The following SETBP1 variants were observed in gnomAD, a reference collection of about 807,000 sequenced individuals.
The protein encoded by SETBP1 is SET binding protein 1, also known as SET-binding protein.
In SETBP1, 9 loss-of-function variants were observed where a neutral mutation model predicts 101.0. The ratio of observed to expected loss-of-function variants is 0.09; its 90% confidence interval spans 0.05 to 0.16. The LOEUF is 0.16. Among genes scored for constraint, SETBP1 ranks in the 10% least tolerant of loss-of-function variants. SETBP1 has a pLI of 1.00. For synonymous variants in SETBP1, 818 were observed against 788.5 expected (o/e 1.04, Z -0.63); for missense variants, 1,858 against 2,033.8 (o/e 0.91, Z 1.66).
At chr18:44,698,515 C>G (rs1039109345) in intron 1 of SETBP1, among the ~76,000 whole-genome samples, 3 of 152,184 alleles carry the variant, frequency 2.0e-5, no homozygotes, top group Non-Finnish European at 4.4e-5. Flanking sequence ...TCTGCATAAT[C>G]CTGCACACGC....
intron 2 of SETBP1, among the ~76,000 whole-genome samples, chr18:44,708,531 T>C (rs989547178): frequency 6.6e-6 from 1 of 152,206 alleles, no homozygotes; most frequent in East Asian, 1.9e-4. Context: ...TCTCTGATTA[T>C]GTTGTAGCTA....
chr18:44,694,824 C>G lies in SETBP1; in HGVS notation c.-172-6351C>G, dbSNP rs558634479. ...AACACTTAAAACAAGGTAAAAGGAA[C>G]AATATCAGGAAAATTAGTTAATCCA... On this transcript the variant is annotated intron_variant, in intron 1 of 5. Coordinates refer to ENST00000649279, the MANE Select transcript of SETBP1 (RefSeq NM_015559.3). 2.6e-5 allele frequency among the ~76,000 whole-genome samples: 4 copies of G among 152,216 alleles called. No individual in the cohort carries two copies. In the East Asian group the frequency reaches 7.7e-4, roughly 29 times the overall value.
chr18:44,842,348 C>T (rs2072633641), intron 2 of SETBP1, among the ~76,000 whole-genome samples: 1 of 152,178 alleles, frequency 6.6e-6, no homozygotes, highest in African/African-American at 2.4e-5. Context: ...CATTATGAAC[C>T]ATTTACTTCC....
intron 2 of SETBP1, among the ~76,000 whole-genome samples, chr18:44,777,154 A>G (rs1186244272): frequency 6.6e-6 from 1 of 152,098 alleles, no homozygotes; most frequent in Non-Finnish European, 1.5e-5. Flanking sequence ...CCGTGTCTAC[A>G]AAAAATTAAA....
At chr18:44,868,681 A>G (rs1484993409) in intron 2 of SETBP1, among the ~76,000 whole-genome samples, 3 of 134,608 alleles carry the variant, frequency 2.2e-5, no homozygotes, top group African/African-American at 8.2e-5. Context: ...AGAGAGAGAG[A>G]GAGAGAGAGA....
intron 2 of SETBP1, among the ~76,000 whole-genome samples, chr18:44,796,696 C>T (rs1389004624): frequency 6.6e-6 from 1 of 152,212 alleles, no homozygotes; most frequent in Non-Finnish European, 1.5e-5. Flanking sequence ...TGGCAGAATA[C>T]TGTTATGATA....
intron 3 of SETBP1, among the ~76,000 whole-genome samples, chr18:44,879,810 C>T (rs556486112): frequency 6.6e-6 from 1 of 152,174 alleles, no homozygotes; most frequent in Non-Finnish European, 1.5e-5. Context: ...AAGGGAACAC[C>T]TCACACTTGC....
chr18:44,859,358 G>A (rs1319777423), intron 2 of SETBP1, among the ~76,000 whole-genome samples: 1 of 152,162 alleles, frequency 6.6e-6, no homozygotes. Flanking sequence ...ATGGCTGGCA[G>A]TGGTACCAAT....
chr18:44,951,241 A>G lies in SETBP1; in HGVS notation c.1901A>G (p.Gln634Arg), dbSNP rs779446118. The G allele has an allele frequency of 3.7e-6, 6 of 1,614,114 alleles. No individual in the cohort carries two copies. The highest frequency in any genetic ancestry group is 5.1e-6 in the Non-Finnish European group (6 of 1,180,054). ...KRRRNLAKLA[Q>R]LVPGEDKPMS... ...CGACGCAATTTAGCGAAGTTGGCCCAGCTAGTGCCGGGAGAGGACAAACCC... is the reference window on the plus strand; with the variant it reads ...CGACGCAATTTAGCGAAGTTGGCCCGGCTAGTGCCGGGAGAGGACAAACCC... The change falls in exon 4 of 6, where the codon CAG (glutamine) becomes CGG (arginine). Residue 634 changes from glutamine to arginine, a missense_variant. This residue lies in a region of SETBP1 where 111 missense variants were observed against 119.3 expected (regional missense o/e 0.93). Coordinates refer to ENST00000649279, the MANE Select transcript of SETBP1 (RefSeq NM_015559.3). This position sits in a 1 kb window ranked among gnomAD's most constrained non-coding sequence, Gnocchi z 7.8.
Position 44,949,972 on chromosome 18 carries a change from A to T in SETBP1, c.632A>T (p.Gln211Leu). 6.2e-7 allele frequency: 1 copy of T among 1,614,188 alleles called. No individual in the cohort carries two copies. The highest frequency in any genetic ancestry group is 8.5e-7 in the Non-Finnish European group (1 of 1,180,042). ...FTGDTLKPKHQQKSSSQNHMD... is the reference protein window; with the variant it reads ...FTGDTLKPKHLQKSSSQNHMD... ...GGTGACACCTTAAAACCAAAGCACC[A>T]GCAAAAAAGCAGCAGCCAGAACCAC... Residue 211 changes from glutamine (Q) to leucine (L), a missense_variant, in exon 4 of 6, where the codon CAG becomes CTG. This residue lies in a region of SETBP1 where 581 missense variants were observed against 535.1 expected (regional missense o/e 1.09). Coordinates refer to ENST00000649279, the MANE Select transcript of SETBP1 (RefSeq NM_015559.3).
intron 1 of SETBP1, among the ~76,000 whole-genome samples, chr18:44,700,526 G>T (rs554596003): frequency 1.3e-5 from 2 of 152,328 alleles, no homozygotes; most frequent in East Asian, 1.9e-4. Flanking sequence ...TGTTATAAGT[G>T]ATTTGCCACT....
chr18:44,738,746 C>G (rs1303859302), intron 2 of SETBP1, among the ~76,000 whole-genome samples: 1 of 148,456 alleles, frequency 6.7e-6, no homozygotes, highest in Non-Finnish European at 1.5e-5. Flanking sequence ...TGCACTCCAG[C>G]CTGGGTGACA....
intron 2 of SETBP1, among the ~76,000 whole-genome samples, chr18:44,762,071 C>A (rs1437589477): frequency 6.6e-6 from 1 of 152,088 alleles, no homozygotes; most frequent in African/African-American, 2.4e-5. Context: ...GGCCAGCTGG[C>A]CAGACTGGTC....
At chr18:44,852,601 C>T (rs1485056811) in intron 2 of SETBP1, among the ~76,000 whole-genome samples, 1 of 152,164 alleles carries the variant, frequency 6.6e-6, no homozygotes, top group African/African-American at 2.4e-5. Flanking sequence ...AAAGCACATT[C>T]ATGGCCTCCA....
chr18:44,943,244 T>C (rs907784452), intron 3 of SETBP1, among the ~76,000 whole-genome samples: 3 of 152,226 alleles, frequency 2.0e-5, no homozygotes, highest in African/African-American at 4.8e-5. Context: ...TTTCACTCTC[T>C]CTATCTCTGT....
At chr18:44,966,338 C>T (rs948470996) in intron 4 of SETBP1, among the ~76,000 whole-genome samples, 1 of 152,290 alleles carries the variant, frequency 6.6e-6, no homozygotes, top group South Asian at 2.1e-4. Flanking sequence ...GAGCCCCTTA[C>T]CTGAGTGTGC....
intron 5 of SETBP1, among the ~76,000 whole-genome samples, chr18:45,058,076 G>T (rs929824289): frequency 1.3e-5 from 2 of 152,212 alleles, no homozygotes; most frequent in African/African-American, 2.4e-5. Context: ...TTCAAATATA[G>T]ATAGGGTCTG....
At chr18:44,734,962 G>A (rs1386387806) in intron 2 of SETBP1, among the ~76,000 whole-genome samples, 1 of 152,152 alleles carries the variant, frequency 6.6e-6, no homozygotes, top group African/African-American at 2.4e-5. Flanking sequence ...CAATATCGAA[G>A]TGTGTTATGT....
chr18:44,823,917 A>G (rs192500699), intron 2 of SETBP1, among the ~76,000 whole-genome samples: 21 of 152,326 alleles, frequency 1.4e-4, no homozygotes, highest in Non-Finnish European at 2.6e-4. Flanking sequence ...AAGAGAAAAC[A>G]ATAGTTGGTG....
Sources: allele counts gnomAD v4.1 joint callset (sites outside exome capture counted in the v4.1 genomes callset), GRCh38; gene constraint gnomAD v4.1.1; regional missense constraint gnomAD v4.1.1; non-coding constraint Gnocchi (gnomAD v3.1); transcripts MANE v1.5; gene names NCBI Gene and HGNC (gene_info 2026-07-23, HGNC 2026-07-21).